The following HGF variants were observed in gnomAD, a reference collection of about 807,000 sequenced individuals.
HGF encodes the protein fibroblast-derived tumor cytotoxic factor.
HGF carries 39 observed loss-of-function variants against 111.6 expected under a neutral mutation model. That is an observed-to-expected ratio of 0.35 (90% CI 0.27 to 0.46). The LOEUF (loss-of-function observed/expected upper bound fraction) is 0.46. HGF is among the 20% of genes least tolerant of loss of function. The pLI, the probability that HGF is intolerant of heterozygous loss-of-function variation, is 1.00. For synonymous variants in HGF, 285 were observed against 294.8 expected, an observed-to-expected ratio of 0.97 and a Z score of 0.34; for missense variants, 735 against 910.5, an observed-to-expected ratio of 0.81 and a Z score of 2.48.
chr7:81,763,085 G>A (rs1789180770), intron 1 of HGF: 1 of 541,518 alleles, frequency 1.8e-6, no homozygotes, highest in Admixed American at 3.4e-5. Flanking sequence ...TTGTCATGTA[G>A]AGTCACTCAT....
chr7:81,762,954 C>A (rs981399965), intron 1 of HGF, 82 bp from the exon 2 acceptor site: 9 of 832,576 alleles, frequency 1.1e-5, no homozygotes, highest in Admixed American at 6.8e-5. Flanking sequence ...TCCTAAGGAT[C>A]ATCTACAAGA....
chr7:81,729,663 G>A lies in HGF; in HGVS notation c.982C>T (p.Arg328Cys), dbSNP rs754502188. The change falls in exon 8 of 18, where the codon CGT (arginine) becomes TGT (cysteine). Residue 328 changes from arginine to cysteine, a missense_variant. Around this residue, in one of 3 missense-constraint regions of HGF, gnomAD observed 553 missense variants for 685.6 expected, o/e 0.81. Coordinates refer to ENST00000222390, the MANE Select transcript of HGF (RefSeq NM_000601.6). ...TCGTGAGGATACTGAGAATCCCAAC[G>A]CTGACATGGAATTCCATTCCAAATG... ...NTIWNGIPCQ[R>C]WDSQYPHEHD... 1.4e-5 allele frequency: 23 copies of A among 1,613,512 alleles called. No homozygotes were observed. The highest frequency in any genetic ancestry group is 1.6e-5 in the Non-Finnish European group (19 of 1,179,538).
chr7:81,739,672 A>G (rs922678766), intron 7 of HGF, among the ~76,000 whole-genome samples: 1 of 152,036 alleles, frequency 6.6e-6, no homozygotes, highest in African/African-American at 2.4e-5. Flanking sequence ...AAACACATGT[A>G]TCTCAAGAAG....
At chr7:81,750,125 AC>A (rs1788431093) in intron 5 of HGF, among the ~76,000 whole-genome samples, 1 of 152,080 alleles carries the variant, frequency 6.6e-6, no homozygotes, top group Non-Finnish European at 1.5e-5. Context: ...ATATCATGTC[AC>A]ATTATTTTGT....
At chr7:81,739,899 G>A (rs780596620) in intron 7 of HGF, among the ~76,000 whole-genome samples, 4 of 151,994 alleles carry the variant, frequency 2.6e-5, no homozygotes, top group Non-Finnish European at 5.9e-5. Flanking sequence ...GCTACTCTTG[G>A]ATCTTACTTG....
intron 7 of HGF, among the ~76,000 whole-genome samples, chr7:81,741,047 C>T (rs1787982099): frequency 6.6e-6 from 1 of 152,132 alleles, no homozygotes; most frequent in Non-Finnish European, 1.5e-5. Flanking sequence ...TATATGTGAA[C>T]CAAAACATTT....
At chr7:81,769,507 A>G (rs966304859) in intron 1 of HGF, among the ~76,000 whole-genome samples, 4 of 152,130 alleles carry the variant, frequency 2.6e-5, no homozygotes, top group African/African-American at 9.7e-5. Flanking sequence ...TTCCTGCCGG[A>G]CTGACCATCA....
intron 7 of HGF, chr7:81,736,823 G>T (rs567719120): frequency 1.1e-5 from 5 of 443,414 alleles, no homozygotes; most frequent in African/African-American, 1.0e-4. Context: ...GGCGGTAACA[G>T]ATGGTTATGT....
At chr7:81,725,558 G>A (rs1789983472) in intron 9 of HGF, among the ~76,000 whole-genome samples, 1 of 152,110 alleles carries the variant, frequency 6.6e-6, no homozygotes, top group Non-Finnish European at 1.5e-5. Context: ...TACTGCTTAT[G>A]ACAAACTACT....
rs1475550689 is a variant in HGF at position 81,762,854 on chromosome 7, C to A, written c.107G>T (p.Arg36Ile). The A allele has an allele frequency of 6.4e-7, 1 of 1,556,102 alleles. No individual in the cohort carries two copies. Reference sequence around the variant, plus strand: ...TTTTTTGAATTCATGAATTGTATTTCTTCTTTTCCTTTGTCCCTCTATTAA... The same window carrying A: ...TTTTTTGAATTCATGAATTGTATTTATTCTTTTCCTTTGTCCCTCTATTAA... The part of the protein sequence containing the change: ...IPYAEGQRKR[R>I]NTIHEFKKSA... Residue 36 changes from arginine (R) to isoleucine (I), a missense_variant, in exon 2 of 18, where the codon AGA becomes ATA. By Grantham distance (97) the Arg-to-Ile change is moderately conservative. This residue lies in a region of HGF where 553 missense variants were observed against 685.6 expected (regional missense o/e 0.81). Coordinates refer to ENST00000222390, the MANE Select transcript of HGF (RefSeq NM_000601.6).
At chr7:81,749,319 T>C (rs1241817729) in intron 5 of HGF, among the ~76,000 whole-genome samples, 3 of 152,144 alleles carry the variant, frequency 2.0e-5, no homozygotes, top group South Asian at 2.1e-4. Context: ...TCTGTTCCAA[T>C]GACCAATGAT....
chr7:81,731,681 A>T (rs1464158343), intron 7 of HGF, among the ~76,000 whole-genome samples: 1 of 152,158 alleles, frequency 6.6e-6, no homozygotes. Context: ...CTGTTAAATG[A>T]TATGAGGAAA....
chr7:81,769,832 G>T, intron 1 of HGF, 52 bp downstream of exon 1: 1 of 1,325,764 alleles, frequency 7.5e-7, no homozygotes, highest in Non-Finnish European at 1.1e-6. Context: ...GGGAAGGTTA[G>T]CAGGAGAGTT....
In HGF at chr7:81,706,454, G is replaced by A. The variant is rs759934379; in HGVS notation, c.1617-27C>T. On this transcript the variant is annotated intron_variant, in intron 14 of 17. Coordinates refer to ENST00000222390, the MANE Select transcript of HGF (RefSeq NM_000601.6). Reference sequence around the variant, plus strand: ...TGTTTTGAAGGAAAAAAATTTAAATGTAAAACATAATAATTCCAAATTCTG... The same window carrying A: ...TGTTTTGAAGGAAAAAAATTTAAATATAAAACATAATAATTCCAAATTCTG... 7.6e-6 allele frequency: 12 copies of A among 1,575,836 alleles called. No homozygotes were observed. The East Asian group carries it at 1.1e-4, about 15-fold the overall frequency.
At chr7:81,762,672 G>C in intron 2 of HGF, 35 bp downstream of exon 2, 1 of 1,497,554 alleles carries the variant, frequency 6.7e-7, no homozygotes, top group Non-Finnish European at 9.3e-7. Flanking sequence ...GCTATATTTG[G>C]AAAATTATTC....
At chr7:81,735,658 T>A (rs904649506) in intron 7 of HGF, among the ~76,000 whole-genome samples, 1 of 152,106 alleles carries the variant, frequency 6.6e-6, no homozygotes, top group Admixed American at 6.6e-5. Flanking sequence ...AGGGAAAGGA[T>A]TTTTTTGTAT....
chr7:81,751,605 G>T, intron 5 of HGF: 1 of 994,348 alleles, frequency 1.0e-6, no homozygotes, highest in Non-Finnish European at 1.2e-6. Context: ...TTGATTCTAG[G>T]CACATTTTCA....
At chr7:81,767,584 T>A (rs1380689906) in intron 1 of HGF, among the ~76,000 whole-genome samples, 5 of 152,204 alleles carry the variant, frequency 3.3e-5, no homozygotes, top group Non-Finnish European at 5.9e-5. Flanking sequence ...ATTGGATATT[T>A]GTTTCCCATG....
At chr7:81,721,917 A>T (rs1789876267) in intron 9 of HGF, among the ~76,000 whole-genome samples, 1 of 152,228 alleles carries the variant, frequency 6.6e-6, no homozygotes, top group Non-Finnish European at 1.5e-5. Flanking sequence ...ATTTTGCATG[A>T]ACCACTTATT....
Sources: allele counts gnomAD v4.1 joint callset (sites outside exome capture counted in the v4.1 genomes callset), GRCh38; gene constraint gnomAD v4.1.1; regional missense constraint gnomAD v4.1.1; transcripts MANE v1.5; gene names NCBI Gene and HGNC (gene_info 2026-07-23, HGNC 2026-07-21).